The following NBEAL1 variants were observed in gnomAD, a reference collection of about 807,000 sequenced individuals.
The protein encoded by NBEAL1 is neurobeachin like 1, also known as neurobeachin-like protein 1.
In NBEAL1, 273 loss-of-function variants were observed where a neutral mutation model predicts 351.3. The observed-to-expected ratio is 0.78, with a 90% CI of 0.70 to 0.86. The LOEUF is 0.86. NBEAL1 is among the 40% of genes least tolerant of loss of function. The probability of loss-of-function intolerance (pLI) is 0.00; values close to 1 mark genes in which losing one functional copy is unlikely to be tolerated. For synonymous variants in NBEAL1, 1,050 were observed against 1,086.4 expected (o/e 0.97, Z 0.66); for missense variants, 2,961 against 3,201.3 (o/e 0.92, Z 1.81).
At chr2:203,209,950 T>C (rs1464002420) in intron 53 of NBEAL1, among the ~76,000 whole-genome samples, 2 of 152,052 alleles carry the variant, frequency 1.3e-5, no homozygotes, top group African/African-American at 4.8e-5. Context: ...GAGGTCTCCC[T>C]ACGTTGCCTA....
chr2:203,123,392 A>G (rs2062871697), intron 19 of NBEAL1, among the ~76,000 whole-genome samples: 1 of 144,600 alleles, frequency 6.9e-6, no homozygotes, highest in Non-Finnish European at 1.5e-5. Context: ...GCTGGAGTGC[A>G]GTGGATCTCG....
chr2:203,172,792 C>G lies in NBEAL1; in HGVS notation c.6262C>G (p.Arg2088Gly). The G allele has an allele frequency of 1.2e-6, 2 of 1,611,810 alleles. No individual in the cohort carries two copies. The highest frequency in any genetic ancestry group is 1.7e-6 in the Non-Finnish European group (2 of 1,178,718). Residue 2088 changes from arginine (R) to glycine (G), a missense_variant, in exon 41 of 56, where the codon CGA becomes GGA. Coordinates refer to ENST00000683969, the MANE Select transcript of NBEAL1 (RefSeq NM_001378026.1). Reference protein sequence around the residue: ...ELDLNNPAVFRDLSKPIGVVN... With the variant: ...ELDLNNPAVFGDLSKPIGVVN... ...GGACCTTAATAACCCTGCTGTATTT[C>G]GAGATCTTTCCAAACCAATTGGGGT... is the stretch of plus-strand genomic sequence containing the variant.
chr2:203,114,012 G>A (rs1035354871), intron 17 of NBEAL1, among the ~76,000 whole-genome samples: 3 of 152,086 alleles, frequency 2.0e-5, no homozygotes, highest in East Asian at 3.9e-4. Context: ...TAGTAGAGAC[G>A]AGGGTTTAAC....
At chr2:203,147,842 G>A (rs1452287217) in intron 33 of NBEAL1, among the ~76,000 whole-genome samples, 1 of 151,916 alleles carries the variant, frequency 6.6e-6, no homozygotes, top group Non-Finnish European at 1.5e-5. Context: ...TTACTAGTGT[G>A]TAGTCCTTAT....
At chr2:203,083,169 C>T in intron 8 of NBEAL1, 50 bp from the exon 9 acceptor site, 4 of 1,443,982 alleles carry the variant, frequency 2.8e-6, no homozygotes, top group African/African-American at 1.4e-5. Flanking sequence ...TGCAAACATA[C>T]ACAACTTCAT....
In NBEAL1 at chr2:203,172,266, A is replaced by G. The variant is rs113421604; in HGVS notation, c.6198+243A>G. On this transcript the variant is annotated intron_variant, in intron 40 of 55. Transcript: ENST00000683969. Reference sequence around the variant, plus strand: ...GCAGGTGCGGTGGCTCATGCTTGTAATCCCAGCACTTTGGGAAGCCAAGGC... The same window carrying G: ...GCAGGTGCGGTGGCTCATGCTTGTAGTCCCAGCACTTTGGGAAGCCAAGGC... Among the ~76,000 whole-genome samples, 1,152 of 152,282 alleles carry G rather than the reference A, an allele frequency of 7.6e-3. 9 individuals are homozygous for G. The highest frequency in any genetic ancestry group is 0.012 in the Non-Finnish European group (817 of 68,036).
Position 203,183,335 on chromosome 2 carries a change from C to A in NBEAL1, c.6652C>A (p.Pro2218Thr). Reference protein sequence around the residue: ...SKELVNDVILPKWAKSAEDFI... With the variant: ...SKELVNDVILTKWAKSAEDFI... ...AGAATTAGTAAATGATGTCATTCTC[C>A]CGAAATGGGCTAAATCAGCTGAAGA... Residue 2218 changes from proline (P) to threonine (T), a missense_variant, in exon 44 of 56, where the codon CCG (proline) becomes ACG (threonine). Transcript: ENST00000683969. The A allele has an allele frequency of 6.2e-7, 1 of 1,601,488 alleles. No individual in the cohort carries two copies. The highest frequency in any genetic ancestry group is 8.5e-7 in the Non-Finnish European group (1 of 1,174,758).
At chr2:203,049,790 T>C in intron 3 of NBEAL1, 24 bp from the exon 4 acceptor site, 1 of 1,497,096 alleles carries the variant, frequency 6.7e-7, no homozygotes, top group Non-Finnish European at 8.9e-7. Flanking sequence ...ACAGGCTTCT[T>C]ATTTTTTTCC....
chr2:203,195,883 T>C (rs1240890195), intron 47 of NBEAL1, among the ~76,000 whole-genome samples: 1 of 152,166 alleles, frequency 6.6e-6, no homozygotes, highest in African/African-American at 2.4e-5. Context: ...AAAACAAGTG[T>C]TTAGCATAAA....
chr2:203,121,196 G>T (rs1266510796), intron 18 of NBEAL1, among the ~76,000 whole-genome samples: 2 of 150,694 alleles, frequency 1.3e-5, no homozygotes, highest in African/African-American at 2.5e-5. Flanking sequence ...TTTATATTAT[G>T]ATTTTTTTTT....
chr2:203,155,138 C>A (rs745775227), intron 35 of NBEAL1, among the ~76,000 whole-genome samples: 5 of 150,176 alleles, frequency 3.3e-5, no homozygotes, highest in Non-Finnish European at 7.4e-5. Flanking sequence ...ATCCCAGGTA[C>A]TTGGGAGGCT....
chr2:203,055,078 T>G (rs938897605), intron 4 of NBEAL1, among the ~76,000 whole-genome samples: 2 of 152,236 alleles, frequency 1.3e-5, no homozygotes, highest in African/African-American at 4.8e-5. Flanking sequence ...CTGTGTTTCC[T>G]TGTTCTGTAT....
intron 36 of NBEAL1, among the ~76,000 whole-genome samples, chr2:203,163,779 C>T (rs1015829627): frequency 1.3e-5 from 2 of 152,058 alleles, no homozygotes; most frequent in East Asian, 3.8e-4. Flanking sequence ...ACCACAATTT[C>T]TTTAATCTCC....
At chr2:203,082,092 A>G (rs2061884364) in intron 8 of NBEAL1, among the ~76,000 whole-genome samples, 1 of 152,178 alleles carries the variant, frequency 6.6e-6, no homozygotes. Flanking sequence ...GTCTGAAAAA[A>G]TAAAAAACAA....
At chr2:203,051,119 G>A (rs2061317015) in intron 4 of NBEAL1, among the ~76,000 whole-genome samples, 1 of 152,116 alleles carries the variant, frequency 6.6e-6, no homozygotes, top group Admixed American at 6.5e-5. Flanking sequence ...CAGGAATTAT[G>A]GAATGATTGA....
chr2:203,032,592 G>A (rs1250735056), intron 2 of NBEAL1, among the ~76,000 whole-genome samples: 3 of 151,144 alleles, frequency 2.0e-5, no homozygotes, highest in Admixed American at 1.3e-4. Context: ...CCCGGGAGGC[G>A]GAGCTTGCAG....
chr2:203,159,114 C>G lies in NBEAL1; in HGVS notation c.5714+1289C>G, dbSNP rs1174228124. Among the ~76,000 whole-genome samples the G allele has an allele frequency of 2.0e-5, 3 of 152,154 alleles. No homozygotes were observed. In the South Asian group the frequency reaches 6.2e-4, roughly 32 times the overall value. On this transcript the variant is annotated intron_variant, in intron 36 of 55. Transcript: ENST00000683969. ...GATTACAGGCCACCAGAGAGTGAGC[C>G]GCTGCACCCAGCCCTCTAGTATTTC...
At position 203,068,394 on chromosome 2, in the gene NBEAL1, C is replaced by A; in HGVS notation, c.517C>A (p.Arg173=). 6.7e-7 allele frequency: 1 copy of A among 1,502,706 alleles called. No homozygotes were observed. Among genetic ancestry groups the A allele is most frequent in the Non-Finnish European group, 9.0e-7 (1 of 1,116,686 alleles). 93.1% of individuals were successfully genotyped at this position (1,502,706 alleles called of 1,614,324 possible). ...TTATTAACTTCTTTTTAATGATAGA[C>A]GAATCCTTAGTACTGTGGAAAAGAG... is the stretch of plus-strand genomic sequence containing the variant. ...YRNWRHRISG[R]ILSTVEKSRQ... is the part of the protein sequence containing the mutation. The change falls in exon 7 of 56, where the codon CGA becomes AGA. Residue 173 remains arginine, a splice_region_variant and synonymous_variant. Coordinates refer to ENST00000683969, the MANE Select transcript of NBEAL1 (RefSeq NM_001378026.1).
intron 2 of NBEAL1, among the ~76,000 whole-genome samples, chr2:203,023,661 A>G (rs948554556): frequency 6.6e-6 from 1 of 150,982 alleles, no homozygotes. Context: ...CTTCCCATGC[A>G]CAGTTAGCTA....
Sources: allele counts gnomAD v4.1 joint callset (sites outside exome capture counted in the v4.1 genomes callset), GRCh38; gene constraint gnomAD v4.1.1; transcripts MANE v1.5; gene names NCBI Gene and HGNC (gene_info 2026-07-23, HGNC 2026-07-21).